Variants in TMEM132E observed in about 807,000 individuals in gnomAD.
The protein encoded by TMEM132E is transmembrane protein 132E.
Under a neutral mutation model 78.5 loss-of-function variants are expected in TMEM132E, and 49 were observed. The ratio of observed to expected loss-of-function variants is 0.62; its 90% confidence interval spans 0.50 to 0.79. The LOEUF (loss-of-function observed/expected upper bound fraction) is 0.79, where lower values mean the gene tolerates loss of function less well. Among genes scored for constraint, TMEM132E ranks in the 30% least tolerant of loss-of-function variants. The pLI, the probability that TMEM132E is intolerant of heterozygous loss-of-function variation, is 0.00. For synonymous variants in TMEM132E, 715 were observed against 670.6 expected, an observed-to-expected ratio of 1.07 and a Z score of -1.02; for missense variants, 1,403 against 1,470.9, an observed-to-expected ratio of 0.95 and a Z score of 0.75.
At chr17:34,593,210 C>T (rs1290345632) in intron 1 of TMEM132E, among the ~76,000 whole-genome samples, 2 of 150,852 alleles carry the variant, frequency 1.3e-5, no homozygotes, top group Non-Finnish European at 2.9e-5. Context: ...AGTTCGAGAC[C>T]ACCCTGAGCA....
rs766786521 is a variant in TMEM132E at position 34,626,898 on chromosome 17, C to T, written c.839C>T (p.Pro280Leu). Residue 280 changes from proline (P) to leucine (L), a missense_variant, in exon 2 of 9, where the codon CCC becomes CTC. By Grantham distance (98) the Pro-to-Leu change is moderately conservative. Transcript: ENST00000631683. ...GGGAGCATCAGCCTGTTCCGCCCGC[C>T]CCCCAGGAGGACCCTGCAGGAGCAC... ...RIGSISLFRP[P>L]PRRTLQEHRL... 8 of 1,613,092 alleles carry T rather than the reference C, an allele frequency of 5.0e-6. No homozygotes were observed. Among genetic ancestry groups the T allele is most frequent in the South Asian group, 3.3e-5 (3 of 91,070 alleles).
In TMEM132E at chr17:34,638,146, G is replaced by A; in HGVS notation, c.3139G>A (p.Gly1047Ser). Reference sequence around the variant, plus strand: ...GGAGGAGGAAGAGGACCTGGGTTGGGGCTGCCCGGATGTGGCGGGCCCCAC... The same window carrying A: ...GGAGGAGGAAGAGGACCTGGGTTGGAGCTGCCCGGATGTGGCGGGCCCCAC... ...DEEEEEDLGWGCPDVAGPTRP... is the reference protein window; with the variant it reads ...DEEEEEDLGWSCPDVAGPTRP... The change falls in exon 9 of 9, where the codon GGC becomes AGC. Residue 1047 changes from glycine to serine, a missense_variant. This residue lies in a region of TMEM132E where 888 missense variants were observed against 952.8 expected (regional missense o/e 0.93). Coordinates refer to ENST00000631683, the MANE Select transcript of TMEM132E (RefSeq NM_001304438.2). 6.2e-7 allele frequency: 1 copy of A among 1,610,130 alleles called. No individual in the cohort carries two copies. Among genetic ancestry groups the A allele is most frequent in the South Asian group, 1.1e-5 (1 of 90,474 alleles).
intron 1 of TMEM132E, among the ~76,000 whole-genome samples, chr17:34,582,720 C>G (rs965929606): frequency 1.2e-4 from 18 of 152,220 alleles, no homozygotes; most frequent in African/African-American, 3.6e-4. Context: ...TGTCTGCGCA[C>G]TGGAGCTGCA....
chr17:34,610,034 A>C (rs1906535739), intron 1 of TMEM132E, among the ~76,000 whole-genome samples: 1 of 150,448 alleles, frequency 6.6e-6, no homozygotes, highest in South Asian at 2.1e-4. Flanking sequence ...ACACCCAATC[A>C]GTCCTCGAGT....
intron 1 of TMEM132E, among the ~76,000 whole-genome samples, chr17:34,586,546 G>A (rs1033776784): frequency 2.0e-5 from 3 of 151,856 alleles, no homozygotes; most frequent in Non-Finnish European, 4.4e-5. Flanking sequence ...CAAGTGGGGG[G>A]GGACAAGCAA....
Position 34,634,638 on chromosome 17 carries a change from G to A in TMEM132E, c.1689-161G>A, listed in dbSNP as rs547091548. The stretch of plus-strand genomic sequence containing the variant: ...AGGAGAGAAAAGGCTGGGACTCCTG[G>A]TTCCCAACTTAGAGATGGAAGGCAT... On this transcript the variant is annotated intron_variant, in intron 6 of 8. Coordinates refer to ENST00000631683, the MANE Select transcript of TMEM132E (RefSeq NM_001304438.2). Among the ~76,000 whole-genome samples, 8 of 152,330 alleles carry A rather than the reference G, an allele frequency of 5.3e-5. No homozygotes were observed. In the South Asian group the frequency reaches 8.3e-4, roughly 16 times the overall value.
intron 1 of TMEM132E, among the ~76,000 whole-genome samples, chr17:34,625,847 A>T (rs563185405): frequency 8.5e-5 from 13 of 152,348 alleles, no homozygotes; most frequent in African/African-American, 3.1e-4. Context: ...AGGTTTTGCG[A>T]CGGTATTATC....
chr17:34,584,832 A>G (rs1206625397), intron 1 of TMEM132E, among the ~76,000 whole-genome samples: 1 of 152,204 alleles, frequency 6.6e-6, no homozygotes, highest in Non-Finnish European at 1.5e-5. Context: ...ATGTTATGAC[A>G]TGGTCTCACA....
Position 34,637,742 on chromosome 17 carries a change from T to C in TMEM132E, c.2735T>C (p.Phe912Ser). The C allele has an allele frequency of 2.5e-6, 4 of 1,613,680 alleles. No individual in the cohort carries two copies. The highest frequency in any genetic ancestry group is 1.3e-5 in the African/African-American group (1 of 75,060). ...ILVFLINCIV[F>S]VLRYRHKRIP... Reference sequence around the variant, plus strand: ...GTCTTCCTCATCAACTGCATCGTTTTTGTGCTGCGCTACCGGCACAAGCGC... The same window carrying C: ...GTCTTCCTCATCAACTGCATCGTTTCTGTGCTGCGCTACCGGCACAAGCGC... Residue 912 changes from phenylalanine (F) to serine (S), a missense_variant, in exon 9 of 9, where the codon TTT (phenylalanine) becomes TCT (serine). Transcript: ENST00000631683.
intron 1 of TMEM132E, among the ~76,000 whole-genome samples, chr17:34,599,403 T>A (rs1906161162): frequency 6.6e-6 from 1 of 152,198 alleles, no homozygotes; most frequent in African/African-American, 2.4e-5. Context: ...GGCTGGTTTA[T>A]CTGATGGTGG....
intron 1 of TMEM132E, among the ~76,000 whole-genome samples, chr17:34,594,259 C>G (rs925087130): frequency 2.6e-5 from 4 of 152,204 alleles, no homozygotes; most frequent in African/African-American, 9.6e-5. Context: ...ATGAATGAAC[C>G]TGGGAGCCTA....
intron 1 of TMEM132E, among the ~76,000 whole-genome samples, chr17:34,625,023 G>T (rs1355900723): frequency 1.3e-5 from 2 of 152,198 alleles, no homozygotes; most frequent in Admixed American, 1.3e-4. Context: ...TTCCTTGACA[G>T]TGTCCAACGA....
intron 1 of TMEM132E, among the ~76,000 whole-genome samples, chr17:34,615,517 A>ATTGTGTG (rs1555563514): frequency 7.1e-6 from 1 of 140,770 alleles, no homozygotes; most frequent in Non-Finnish European, 1.5e-5. Context: ...ACTGGCACAG[A>ATTGTGTG]TGTGTGTGTG....
chr17:34,616,195 G>C (rs115201487), intron 1 of TMEM132E, among the ~76,000 whole-genome samples: 115 of 152,320 alleles, frequency 7.5e-4, no homozygotes, highest in African/African-American at 2.7e-3. Context: ...GGAGTCAGCA[G>C]GCAGGAGGTC....
At chr17:34,616,111 G>T (rs754480283) in intron 1 of TMEM132E, among the ~76,000 whole-genome samples, 2 of 152,070 alleles carry the variant, frequency 1.3e-5, no homozygotes, top group African/African-American at 4.8e-5. Flanking sequence ...TAAGGTGTAC[G>T]GGAGGGACCC....
chr17:34,625,877 T>C (rs1302121649), intron 1 of TMEM132E, among the ~76,000 whole-genome samples: 2 of 152,150 alleles, frequency 1.3e-5, no homozygotes, highest in African/African-American at 2.4e-5. Flanking sequence ...ATGTCGCAGG[T>C]AAATAAATGA....
chr17:34,606,104 G>T (rs557132463), intron 1 of TMEM132E, among the ~76,000 whole-genome samples: 2 of 152,280 alleles, frequency 1.3e-5, no homozygotes, highest in East Asian at 3.9e-4. Context: ...TAGCATTTTG[G>T]GAGGCCAAGG....
At chr17:34,615,467 T>A (rs1394405599) in intron 1 of TMEM132E, among the ~76,000 whole-genome samples, 1 of 151,652 alleles carries the variant, frequency 6.6e-6, no homozygotes, top group Non-Finnish European at 1.5e-5. Flanking sequence ...AGGATAGATG[T>A]CCCAGGATGG....
At chr17:34,633,575 G>A (rs939111445) in intron 6 of TMEM132E, among the ~76,000 whole-genome samples, 2 of 152,234 alleles carry the variant, frequency 1.3e-5, no homozygotes, top group East Asian at 1.9e-4. Context: ...AAGCACAGCA[G>A]GGAAGAGAAG....
Sources: allele counts gnomAD v4.1 joint callset (sites outside exome capture counted in the v4.1 genomes callset), GRCh38; gene constraint gnomAD v4.1.1; regional missense constraint gnomAD v4.1.1; transcripts MANE v1.5; gene names NCBI Gene and HGNC (gene_info 2026-07-23, HGNC 2026-07-21).